SRGAP2B: variants seen among roughly 807,000 people sequenced by gnomAD.
SRGAP2B encodes the protein SLIT-ROBO Rho GTPase-activating protein 2B.
SRGAP2B carries 9 observed loss-of-function variants against 22.2 expected under a neutral mutation model. That is an observed-to-expected ratio of 0.41 (90% confidence interval 0.24 to 0.71). The LOEUF (loss-of-function observed/expected upper bound fraction) is 0.71. Ranked by LOEUF, SRGAP2B falls within the 30% of genes least tolerant of loss-of-function variation. SRGAP2B has a pLI of 0.35. For synonymous variants in SRGAP2B, 36 were observed against 87.4 expected, an observed-to-expected ratio of 0.41 and a Z score of 3.28; for missense variants, 114 against 235.8, an observed-to-expected ratio of 0.48 and a Z score of 3.38.
chr1:145,079,060 G>GTGTT (rs1382830697), intron 2 of SRGAP2B, among the ~76,000 whole-genome samples: 4 of 103,974 alleles, frequency 3.8e-5, no homozygotes, highest in Non-Finnish European at 8.0e-5. Flanking sequence ...GGAGAATTAG[G>GTGTT]TGTTTCCATA....
intron 3 of SRGAP2B, among the ~76,000 whole-genome samples, chr1:144,988,999 C>CTTTTTTTTTTTTTTTTTTT (rs3062880): frequency 1.8e-5 from 1 of 55,080 alleles, no homozygotes; most frequent in Non-Finnish European, 3.0e-5. Flanking sequence ...ACTCCCCCCA[C>CTTTTTTTTTTTTTTTTTTT]TTTTTTTTTT....
At chr1:145,019,137 G>A (rs1173907828) in intron 2 of SRGAP2B, among the ~76,000 whole-genome samples, 1 of 48,302 alleles carries the variant, frequency 2.1e-5, no homozygotes, top group African/African-American at 9.0e-5. Context: ...GAGTCCAGGG[G>A]TTCGAGACCA....
intron 2 of SRGAP2B, among the ~76,000 whole-genome samples, chr1:145,064,180 CCT>C (rs1266847319): frequency 1.7e-4 from 24 of 145,066 alleles, no homozygotes; most frequent in Non-Finnish European, 4.5e-5. Flanking sequence ...AGTCTCTGTT[CCT>C]GCTACTGTGT....
rs1369935298 is a variant in SRGAP2B, at chr1:144,931,760, G to C, written c.424-17006C>G. ...TGGAACTCAGCCAAGGGGTTACCCA[G>C]CTAGAAAGCATTACTGCTTTCCCAC... On this transcript the variant is annotated intron_variant, in intron 4 of 9. Transcript: ENST00000612199. 9.7e-5 allele frequency among the ~76,000 whole-genome samples: 14 copies of C among 144,948 alleles called. 1 individual carries two copies. Among genetic ancestry groups the C allele is most frequent in the African/African-American group, 3.8e-4 (14 of 37,168 alleles).
At chr1:145,041,517 T>C (rs1372479805) in intron 2 of SRGAP2B, among the ~76,000 whole-genome samples, 2 of 119,144 alleles carry the variant, frequency 1.7e-5, no homozygotes, top group African/African-American at 3.7e-5. Flanking sequence ...AAAATAGCAG[T>C]GTGTAGTGGT....
At chr1:145,021,814 CAAA>C (rs71074453) in intron 2 of SRGAP2B, among the ~76,000 whole-genome samples, 1 of 70,260 alleles carries the variant, frequency 1.4e-5, no homozygotes. Flanking sequence ...AACTCCGTCT[CAAA>C]AAAAAAAAAA....
intron 3 of SRGAP2B, among the ~76,000 whole-genome samples, chr1:144,973,189 G>GTAT (rs1273268355): frequency 6.7e-6 from 1 of 149,566 alleles, no homozygotes; most frequent in Non-Finnish European, 1.5e-5. Flanking sequence ...TTCTGTGAAA[G>GTAT]TATTGTTCTC....
At chr1:144,944,621 TA>T (rs1368049167) in intron 4 of SRGAP2B, among the ~76,000 whole-genome samples, 6 of 129,056 alleles carry the variant, frequency 4.6e-5, no homozygotes, top group African/African-American at 1.2e-4. Flanking sequence ...AAATCTGAAA[TA>T]AAAAAAATTC....
At chr1:145,013,866 C>T (rs587654798) in intron 2 of SRGAP2B, among the ~76,000 whole-genome samples, 1 of 150,584 alleles carries the variant, frequency 6.6e-6, no homozygotes, top group Admixed American at 6.6e-5. Flanking sequence ...GGGTGATGAG[C>T]TAATAAACAT....
chr1:144,966,529 G>A (rs1668097180), intron 3 of SRGAP2B, among the ~76,000 whole-genome samples: 1 of 147,034 alleles, frequency 6.8e-6, no homozygotes, highest in Non-Finnish European at 1.5e-5. Flanking sequence ...ACCAGCCACT[G>A]CAAAAACATG....
intron 4 of SRGAP2B, among the ~76,000 whole-genome samples, chr1:144,932,295 C>T (rs1351742782): frequency 2.0e-5 from 3 of 150,768 alleles, no homozygotes; most frequent in Admixed American, 6.6e-5. Context: ...TTAACAAGAA[C>T]ATTCATTCTC....
At chr1:145,056,882 G>A (rs1274810790) in intron 2 of SRGAP2B, among the ~76,000 whole-genome samples, 2 of 114,146 alleles carry the variant, frequency 1.8e-5, no homozygotes, top group East Asian at 5.9e-4. Context: ...GTAATTAAAT[G>A]TTGAATTAAA....
intron 2 of SRGAP2B, among the ~76,000 whole-genome samples, chr1:145,024,738 CT>C (rs1250941898): frequency 8.5e-6 from 1 of 117,462 alleles, no homozygotes; most frequent in Non-Finnish European, 1.7e-5. Flanking sequence ...CTCTTTTCCC[CT>C]ATCTTGTTCT....
intron 2 of SRGAP2B, among the ~76,000 whole-genome samples, chr1:145,075,981 G>A (rs1282651215): frequency 4.0e-5 from 6 of 149,884 alleles, no homozygotes; most frequent in African/African-American, 1.5e-4. Context: ...CCAGTTACTT[G>A]GGAGGAGGCC....
chr1:144,903,818 CAG>C (rs1371374709), intron 7 of SRGAP2B, among the ~76,000 whole-genome samples: 1 of 149,734 alleles, frequency 6.7e-6, no homozygotes, highest in African/African-American at 2.5e-5. Flanking sequence ...CTTGAAGCCC[CAG>C]AGACTGGGAT....
In SRGAP2B at chr1:145,061,810, G is replaced by C. The variant is rs1211502238; in HGVS notation, c.67+31025C>G. On this transcript the variant is annotated intron_variant, in intron 2 of 9. Transcript: ENST00000612199. ...GGGTTTCACCATGTTGGCCAGGCTG[G>C]CATTTACATATTTTTAAGTTAAAAT... is the stretch of plus-strand genomic sequence containing the variant. Among the ~76,000 whole-genome samples, 4 of 133,530 alleles carry C rather than the reference G, an allele frequency of 3.0e-5. No homozygotes were observed. The East Asian group carries it at 8.7e-4, about 29-fold the overall frequency. The allele number at this position is 133,530 out of a possible 152,430, so 87.6% of individuals were successfully genotyped here.
intron 3 of SRGAP2B, among the ~76,000 whole-genome samples, chr1:144,991,133 A>C (rs1183921109): frequency 1.3e-5 from 2 of 151,194 alleles, no homozygotes; most frequent in African/African-American, 4.9e-5. Flanking sequence ...GGGGACGTGG[A>C]AAGTCTTTAT....
intron 3 of SRGAP2B, among the ~76,000 whole-genome samples, chr1:144,971,016 G>A (rs1739155): frequency 1.4e-4 from 21 of 150,410 alleles, no homozygotes; most frequent in Admixed American, 1.1e-3. Context: ...TCATACCCAC[G>A]AAACAAAGTG....
intron 3 of SRGAP2B, among the ~76,000 whole-genome samples, chr1:144,972,798 A>G (rs1193048412): frequency 1.4e-5 from 2 of 148,066 alleles, no homozygotes; most frequent in Non-Finnish European, 3.0e-5. Context: ...AGTAGGCAAC[A>G]GTAGAAGAGA....
Sources: allele counts gnomAD v4.1 joint callset (sites outside exome capture counted in the v4.1 genomes callset), GRCh38; gene constraint gnomAD v4.1.1; transcripts MANE v1.5; gene names NCBI Gene and HGNC (gene_info 2026-07-23, HGNC 2026-07-21).